The following SUZ12 variants were observed in gnomAD, a reference collection of about 807,000 sequenced individuals.
SUZ12 encodes the protein polycomb protein SUZ12.
A neutral mutation model predicts 87.3 loss-of-function variants in SUZ12; 17 were observed. The ratio of observed to expected loss-of-function variants is 0.19; its 90% CI spans 0.13 to 0.29. The LOEUF is 0.29. SUZ12 is among the 10% of genes least tolerant of loss of function. SUZ12 has a pLI of 1.00. For synonymous variants in SUZ12, 253 were observed against 312.4 expected (o/e 0.81, Z 2.01); for missense variants, 526 against 912.2 (o/e 0.58, Z 5.45).
chr17:31,999,869 G>C lies in SUZ12; in HGVS notation c.*866G>C, dbSNP rs1384753427. 4.3e-6 allele frequency: 1 copy of C among 232,442 alleles called. No homozygotes were observed. The highest frequency in any genetic ancestry group is 8.5e-6 in the Non-Finnish European group (1 of 117,716). The allele number at this position is 232,442 out of a possible 1,614,324, so 14.4% of individuals were successfully genotyped here. A position where few individuals can be genotyped will look rare whatever the true frequency, so the allele number is the denominator to read the frequency against. On this transcript the variant is annotated 3_prime_UTR_variant, in exon 16 of 16. Coordinates refer to ENST00000322652, the MANE Select transcript of SUZ12 (RefSeq NM_015355.4). ...TGCAAACCAAGGAAAGAACGCATTT[G>C]AGATTTTAAGATGTCACTTATAAGG...
intron 15 of SUZ12, among the ~76,000 whole-genome samples, chr17:31,997,234 C>G (rs116433331): frequency 0.014 from 2,158 of 152,288 alleles, 57 homozygotes; most frequent in African/African-American, 0.049. Context: ...CAGGCTGCTG[C>G]AACCCTGGTG....
intron 9 of SUZ12, among the ~76,000 whole-genome samples, chr17:31,986,480 C>G (rs1909425492): frequency 1.3e-5 from 2 of 152,012 alleles, no homozygotes; most frequent in South Asian, 4.1e-4. Flanking sequence ...AGATAAATTC[C>G]TGTGGACTGC....
rs576595845 is a variant in SUZ12, at chr17:31,958,720, C to A, written c.456-7427C>A. ...AATTAGCTGGGCGTGGTGGCATGTGCCTGTATTTCTAGCTACTCGGGAGGC... is the reference window on the plus strand; with the variant it reads ...AATTAGCTGGGCGTGGTGGCATGTGACTGTATTTCTAGCTACTCGGGAGGC... On this transcript the variant is annotated intron_variant, in intron 4 of 15. Coordinates refer to ENST00000322652, the MANE Select transcript of SUZ12 (RefSeq NM_015355.4). Among the ~76,000 whole-genome samples, 6 of 152,260 alleles carry A rather than the reference C, an allele frequency of 3.9e-5. No homozygotes were observed. In the East Asian group the frequency reaches 1.2e-3, roughly 29 times the overall value.
intron 6 of SUZ12, among the ~76,000 whole-genome samples, chr17:31,974,385 G>T (rs1276840035): frequency 1.3e-5 from 2 of 152,142 alleles, no homozygotes; most frequent in Non-Finnish European, 2.9e-5. Context: ...AAATTAGCCA[G>T]GCGTGGTGAT....
chr17:31,963,537 G>T (rs1229362247), intron 4 of SUZ12, among the ~76,000 whole-genome samples: 1 of 151,556 alleles, frequency 6.6e-6, no homozygotes, highest in African/African-American at 2.4e-5. Context: ...TCACTCTGTC[G>T]CCCATGCTGG....
intron 1 of SUZ12, among the ~76,000 whole-genome samples, chr17:31,939,587 G>A (rs996614446): frequency 5.3e-5 from 8 of 151,130 alleles, no homozygotes; most frequent in East Asian, 3.9e-4. Flanking sequence ...ACAATGACGC[G>A]ATCTCGGCTC....
intron 15 of SUZ12, among the ~76,000 whole-genome samples, chr17:31,998,250 T>G (rs925216470): frequency 1.3e-5 from 2 of 152,024 alleles, no homozygotes; most frequent in African/African-American, 2.4e-5. Flanking sequence ...CAGCTGATTT[T>G]TTGCATTTTT....
intron 9 of SUZ12, 35 bp from the exon 10 acceptor site, chr17:31,988,285 G>T: frequency 6.7e-7 from 1 of 1,494,096 alleles, no homozygotes; most frequent in Admixed American, 2.4e-5. Context: ...TTCATTATCT[G>T]AGTCTCCAGT....
chr17:31,963,588 C>T (rs1437751329), intron 4 of SUZ12, among the ~76,000 whole-genome samples: 1 of 151,826 alleles, frequency 6.6e-6, no homozygotes, highest in Admixed American at 6.6e-5. Context: ...CCTCCGCCCT[C>T]CGAGTTCAAG....
intron 4 of SUZ12, among the ~76,000 whole-genome samples, chr17:31,962,424 C>A (rs1336718191): frequency 6.6e-6 from 1 of 152,090 alleles, no homozygotes; most frequent in Non-Finnish European, 1.5e-5. Flanking sequence ...AATCCTGACT[C>A]CACAAACATG....
rs536048639 is a variant in SUZ12 at position 31,977,787 on chromosome 17, G to T, written c.917+1173G>T. Among the ~76,000 whole-genome samples, 6 of 152,172 alleles carry T rather than the reference G, an allele frequency of 3.9e-5. No individual in the cohort carries two copies. In the East Asian group the frequency reaches 1.2e-3, roughly 30 times the overall value. On this transcript the variant is annotated intron_variant, in intron 8 of 15. Transcript: ENST00000322652. ...GCCTGTAATCCCAGCTACTCAGGAG[G>T]CCGAGGCAGGGGAATCGCTTGAACC...
At chr17:31,943,267 A>G (rs1377572305) in intron 3 of SUZ12, among the ~76,000 whole-genome samples, 4 of 152,222 alleles carry the variant, frequency 2.6e-5, no homozygotes, top group Non-Finnish European at 5.9e-5. Context: ...TCTGTAAAGG[A>G]CCAGTAAATA....
chr17:31,962,880 T>A (rs1244829596), intron 4 of SUZ12, among the ~76,000 whole-genome samples: 1 of 152,244 alleles, frequency 6.6e-6, no homozygotes, highest in Admixed American at 6.6e-5. Context: ...GTATGTAGTT[T>A]TAATTGAAGC....
chr17:31,957,174 C>T (rs1907395670), intron 4 of SUZ12, among the ~76,000 whole-genome samples: 1 of 152,050 alleles, frequency 6.6e-6, no homozygotes, highest in Non-Finnish European at 1.5e-5. Context: ...TCTCAACCTC[C>T]TGGGATGAAG....
At chr17:31,949,561 TATCTC>T (rs950687573) in intron 4 of SUZ12, among the ~76,000 whole-genome samples, 1 of 148,292 alleles carries the variant, frequency 6.7e-6, no homozygotes, top group Non-Finnish European at 1.5e-5. Flanking sequence ...GCAGTGGTGC[TATCTC>T]AGCTCACTGC....
At position 32,000,314 on chromosome 17, in the gene SUZ12, T is replaced by C. The variant is rs150884111; in HGVS notation, c.*1311T>C. On this transcript the variant is annotated 3_prime_UTR_variant, in exon 16 of 16. Coordinates refer to ENST00000322652, the MANE Select transcript of SUZ12 (RefSeq NM_015355.4). Reference sequence around the variant, plus strand: ...TTCCCTATTTTGTTTAATGAAGGGATATATAAGCTTTCTAATGGTGTCTTC... The same window carrying C: ...TTCCCTATTTTGTTTAATGAAGGGACATATAAGCTTTCTAATGGTGTCTTC... 1.2e-4 allele frequency: 28 copies of C among 232,996 alleles called. No individual in the cohort carries two copies. Among genetic ancestry groups the C allele is most frequent in the African/African-American group, 5.3e-4 (24 of 45,458 alleles). The allele number at this position is 232,996 out of a possible 1,614,324, so 14.4% of individuals were successfully genotyped here.
rs767563724 is a variant in SUZ12 at position 31,937,389 on chromosome 17, G to C, written c.143G>C (p.Gly48Ala). 7.8e-6 allele frequency: 12 copies of C among 1,531,266 alleles called. No individual in the cohort carries two copies. The highest frequency in any genetic ancestry group is 1.1e-5 in the Non-Finnish European group (12 of 1,140,270). 94.9% of individuals were successfully genotyped at this position (1,531,266 alleles called of 1,614,324 possible). A position where few individuals can be genotyped will look rare whatever the true frequency, so the allele number is the denominator to read the frequency against. The change falls in exon 1 of 16, where the codon GGG (glycine) becomes GCG (alanine). Residue 48 changes from glycine to alanine, a missense_variant. Gly to Ala is a moderately conservative substitution (Grantham distance 60). Transcript: ENST00000322652. ...GGKSGGGSCG[G>A]GGSYSASSSS... ...AAATCCGGCGGCGGGAGCTGTGGAG[G>C]GGGTGGCAGTTACTCGGCCTCCTCC...
chr17:31,998,846 T>C lies in SUZ12; in HGVS notation c.2063T>C (p.Leu688Ser), dbSNP rs1910115842. The C allele has an allele frequency of 2.5e-6, 4 of 1,613,330 alleles. No homozygotes were observed. The highest frequency in any genetic ancestry group is 3.4e-6 in the Non-Finnish European group (4 of 1,179,800). ...VTKLREMQQKLEKGESASPAN... is the reference protein window; with the variant it reads ...VTKLREMQQKSEKGESASPAN... ...AAGCTCCGTGAAATGCAGCAAAAAT[T>C]AGAAAAGGGGGAATCTGCTTCCCCT... Residue 688 changes from leucine to serine, a missense_variant, in exon 16 of 16, where the codon TTA (leucine) becomes TCA (serine). This residue lies in a region of SUZ12 where 56 missense variants were observed against 56.6 expected (regional missense o/e 0.99). Transcript: ENST00000322652.
intron 13 of SUZ12, among the ~76,000 whole-genome samples, chr17:31,995,097 AAATAAT>A (rs529132253): frequency 7.2e-5 from 11 of 152,214 alleles, no homozygotes; most frequent in Admixed American, 7.2e-4. Context: ...ACTTCGTCTC[AAATAAT>A]AATAATAGTA....
Sources: allele counts gnomAD v4.1 joint callset (sites outside exome capture counted in the v4.1 genomes callset), GRCh38; gene constraint gnomAD v4.1.1; regional missense constraint gnomAD v4.1.1; transcripts MANE v1.5; gene names NCBI Gene and HGNC (gene_info 2026-07-23, HGNC 2026-07-21).